Variants in HLCS observed in about 807,000 individuals in gnomAD.
HLCS encodes the protein holocarboxylase synthetase, also known as biotin--protein ligase.
A neutral mutation model predicts 75.0 loss-of-function variants in HLCS; 53 were observed. That is an observed-to-expected ratio of 0.71 (90% confidence interval 0.57 to 0.89). HLCS has a LOEUF of 0.89. HLCS is among the 40% of genes least tolerant of loss of function. HLCS has a pLI of 0.00. For missense variants in HLCS, 966 were observed against 1,074.0 expected (o/e 0.90, Z 1.41); for synonymous variants, 431 against 428.6 (o/e 1.01, Z -0.07).
At chr21:36,950,550 G>T (rs1006564416) in intron 2 of HLCS, among the ~76,000 whole-genome samples, 1 of 151,778 alleles carries the variant, frequency 6.6e-6, no homozygotes, top group African/African-American at 2.4e-5. Context: ...ACTCATTGCA[G>T]CCTCGACCTC....
chr21:36,875,831 T>G (rs1175279468), intron 6 of HLCS, among the ~76,000 whole-genome samples: 1 of 151,776 alleles, frequency 6.6e-6, no homozygotes, highest in Non-Finnish European at 1.5e-5. Context: ...TTGCAGGTGA[T>G]GAGGAGAGAA....
intron 5 of HLCS, among the ~76,000 whole-genome samples, chr21:36,903,754 A>G (rs1388940716): frequency 6.6e-6 from 1 of 152,250 alleles, no homozygotes; most frequent in Non-Finnish European, 1.5e-5. Context: ...GTACCATGGT[A>G]GAAAGAGAAG....
intron 5 of HLCS, among the ~76,000 whole-genome samples, chr21:36,926,045 C>T (rs779628711): frequency 3.3e-5 from 5 of 152,186 alleles, no homozygotes; most frequent in South Asian, 2.1e-4. Flanking sequence ...CCACTGGTGG[C>T]GGGAAGATGT....
At chr21:36,771,219 C>CAAAT (rs749446913) in intron 6 of HLCS, among the ~76,000 whole-genome samples, 4,693 of 142,380 alleles carry the variant, frequency 0.033, 125 homozygotes, top group African/African-American at 0.083. Flanking sequence ...GACTCCGTCT[C>CAAAT]AAATAAATAA....
chr21:36,930,130 C>T (rs192202188), intron 5 of HLCS, 121 bp downstream of exon 5: 78 of 925,908 alleles, frequency 8.4e-5, no homozygotes, highest in Admixed American at 2.1e-4. Context: ...TTTCCAAACC[C>T]GAAGTCAAAA....
At chr21:36,798,259 C>A (rs199525623) in intron 6 of HLCS, among the ~76,000 whole-genome samples, 1 of 152,106 alleles carries the variant, frequency 6.6e-6, no homozygotes, top group African/African-American at 2.4e-5. Context: ...TCACACAGGG[C>A]TTCCAGGGAG....
At chr21:36,987,031 T>C (rs900270897) in intron 1 of HLCS, among the ~76,000 whole-genome samples, 1 of 152,252 alleles carries the variant, frequency 6.6e-6, no homozygotes, top group Non-Finnish European at 1.5e-5. Flanking sequence ...ATTCAAATTG[T>C]TCCAGGTTTG....
chr21:36,896,391 C>T (rs1340797304), intron 6 of HLCS, among the ~76,000 whole-genome samples: 4 of 152,110 alleles, frequency 2.6e-5, no homozygotes, highest in African/African-American at 9.7e-5. Context: ...TAGCAATGTA[C>T]CAAAAACACT....
At chr21:36,823,544 G>T (rs1048826960) in intron 6 of HLCS, among the ~76,000 whole-genome samples, 1 of 151,600 alleles carries the variant, frequency 6.6e-6, no homozygotes, top group African/African-American at 2.4e-5. Flanking sequence ...TCACAAATAC[G>T]TGTATGTGTG....
chr21:36,952,568 C>A (rs927771633), intron 2 of HLCS, among the ~76,000 whole-genome samples: 1 of 152,034 alleles, frequency 6.6e-6, no homozygotes, highest in African/African-American at 2.4e-5. Context: ...CCAAGGCGGG[C>A]AGATCATGAG....
At chr21:36,902,829 G>T (rs566326393) in intron 5 of HLCS, among the ~76,000 whole-genome samples, 2 of 152,186 alleles carry the variant, frequency 1.3e-5, no homozygotes, top group East Asian at 1.9e-4. Flanking sequence ...TGAGAAGTCC[G>T]CATGATTTTG....
intron 6 of HLCS, among the ~76,000 whole-genome samples, chr21:36,889,845 G>A (rs74363534): frequency 0.019 from 2,867 of 152,294 alleles, 158 homozygotes; most frequent in Admixed American, 0.12. Flanking sequence ...GGTCTCTGGC[G>A]TGAAACAAAA....
intron 5 of HLCS, among the ~76,000 whole-genome samples, chr21:36,915,667 T>G (rs185226658): frequency 1.3e-5 from 2 of 152,366 alleles, no homozygotes; most frequent in Admixed American, 1.3e-4. Context: ...AAAGTGTTTT[T>G]AATAACACAC....
intron 2 of HLCS, among the ~76,000 whole-genome samples, chr21:36,953,719 A>G (rs1434936733): frequency 6.6e-6 from 1 of 152,182 alleles, no homozygotes; most frequent in African/African-American, 2.4e-5. Context: ...TAATTGCAAT[A>G]TTTTGGAAAG....
chr21:36,799,864 C>T (rs1470341695), intron 6 of HLCS, among the ~76,000 whole-genome samples: 2 of 152,164 alleles, frequency 1.3e-5, no homozygotes, highest in Admixed American at 1.3e-4. Context: ...GTTTTCTAAG[C>T]CTCAGTTCTC....
chr21:36,962,688 G>C (rs1430250204), intron 1 of HLCS, among the ~76,000 whole-genome samples: 3 of 151,442 alleles, frequency 2.0e-5, no homozygotes, highest in Non-Finnish European at 4.4e-5. Context: ...AGCTACTCAG[G>C]AGGCTGAGGT....
intron 1 of HLCS, among the ~76,000 whole-genome samples, chr21:36,982,068 TG>T (rs1320233721): frequency 6.6e-6 from 1 of 151,992 alleles, no homozygotes; most frequent in Non-Finnish European, 1.5e-5. Context: ...TAGGTATGGT[TG>T]TTTTTTTTTT....
chr21:36,814,908 C>T (rs999646052), intron 6 of HLCS, among the ~76,000 whole-genome samples: 1 of 152,056 alleles, frequency 6.6e-6, no homozygotes, highest in East Asian at 1.9e-4. Context: ...CAAGAAGACC[C>T]GGTGCAATGG....
At chr21:36,906,455 G>C (rs1188163706) in intron 5 of HLCS, among the ~76,000 whole-genome samples, 1 of 152,132 alleles carries the variant, frequency 6.6e-6, no homozygotes, top group Non-Finnish European at 1.5e-5. Context: ...GATCACTTGA[G>C]CCCAGGAGCT....
Sources: allele counts gnomAD v4.1 joint callset (sites outside exome capture counted in the v4.1 genomes callset), GRCh38; gene constraint gnomAD v4.1.1; transcripts MANE v1.5; gene names NCBI Gene and HGNC (gene_info 2026-07-23, HGNC 2026-07-21).